The following PCDHA3 variants were observed in gnomAD, a reference collection of about 807,000 sequenced individuals.
The protein encoded by PCDHA3 is protocadherin alpha 3.
PCDHA3 carries 41 observed loss-of-function variants against 62.2 expected under a neutral mutation model. The observed-to-expected ratio is 0.66, with a 90% CI of 0.51 to 0.86. The LOEUF (loss-of-function observed/expected upper bound fraction) is 0.86. PCDHA3 is among the 40% of genes least tolerant of loss of function. The pLI is 0.00. For synonymous variants in PCDHA3, 640 were observed against 555.4 expected (o/e 1.15, Z -2.14); for missense variants, 1,304 against 1,241.2 (o/e 1.05, Z -0.76).
intron 1 of PCDHA3, chr5:140,929,259 G>A (rs782558603): frequency 4.7e-5 from 76 of 1,612,754 alleles, no homozygotes; most frequent in Non-Finnish European, 6.2e-5. Context: ...GGGTAGGACT[G>A]AATTTGCCAA....
chr5:140,984,712 G>A (rs2097116348), intron 3 of PCDHA3, among the ~76,000 whole-genome samples: 1 of 152,096 alleles, frequency 6.6e-6, no homozygotes, highest in Non-Finnish European at 1.5e-5. Context: ...AGGGAATATG[G>A]CATAAAGATT....
chr5:140,882,676 C>T (rs1458440894), intron 1 of PCDHA3: 18 of 1,614,060 alleles, frequency 1.1e-5, no homozygotes, highest in Admixed American at 3.3e-5. Context: ...TCCCTGAAAG[C>T]AAGAAACGAA....
At chr5:140,876,475 A>G (rs1385416022) in intron 1 of PCDHA3, 1 of 1,614,054 alleles carries the variant, frequency 6.2e-7, no homozygotes, top group Non-Finnish European at 8.5e-7. Context: ...AGGTCACAGC[A>G]TGGTCCTGGT....
chr5:140,831,527 T>A (rs2150196038), intron 1 of PCDHA3, among the ~76,000 whole-genome samples: 12 of 148,212 alleles, frequency 8.1e-5, no homozygotes, highest in Non-Finnish European at 1.8e-4. Context: ...CACCTTTTTT[T>A]TTTTTTTTTT....
rs544791644 is a variant in PCDHA3, at chr5:140,937,295, C to G, written c.2395-41654C>G. Among the ~76,000 whole-genome samples the G allele has an allele frequency of 1.0e-3, 157 of 152,202 alleles. 1 individual carries two copies. Among genetic ancestry groups the G allele is most frequent in the Admixed American group, 4.7e-3 (72 of 15,286 alleles). On this transcript the variant is annotated intron_variant, in intron 1 of 3. Transcript: ENST00000522353. ...CTCGTGATTCACCCGCTTCGGCCTC[C>G]CAAAGTGCTGGGATTACAGGCGTGA...
chr5:140,893,528 G>C (rs541953324), intron 1 of PCDHA3, among the ~76,000 whole-genome samples: 2 of 152,254 alleles, frequency 1.3e-5, no homozygotes, highest in Admixed American at 6.5e-5. Context: ...ACTCCTTTAA[G>C]TATTTCTTGT....
At chr5:140,812,838 TTAACA>T (rs1299220004) in intron 1 of PCDHA3, 1 of 152,250 alleles carries the variant, frequency 6.6e-6, no homozygotes, top group Non-Finnish European at 1.5e-5. Flanking sequence ...TTTGTTTATC[TTAACA>T]TATTTTCTAA....
At position 140,857,274 on chromosome 5, in the gene PCDHA3, AC is replaced by A. The variant is rs782434085; in HGVS notation, c.2394+53684del. 196 of 1,598,554 alleles carry A rather than the reference AC, an allele frequency of 1.2e-4. 15 individuals are homozygous for A. The highest frequency in any genetic ancestry group is 3.4e-5 in the Admixed American group (2 of 59,316). On this transcript the variant is annotated intron_variant, in intron 1 of 3. Transcript: ENST00000522353. ...AAGAATTACTACTCATTGGTGCTGG[AC>A]AGCGCTCTGGACCGCGAGAGGGTGT...
At chr5:140,885,328 A>G (rs2060562963) in intron 1 of PCDHA3, among the ~76,000 whole-genome samples, 1 of 152,114 alleles carries the variant, frequency 6.6e-6, no homozygotes, top group Non-Finnish European at 1.5e-5. Context: ...TTCTTTTCCA[A>G]AGTTTGAAGG....
At chr5:140,935,394 G>C (rs959098226) in intron 1 of PCDHA3, among the ~76,000 whole-genome samples, 2 of 152,088 alleles carry the variant, frequency 1.3e-5, no homozygotes, top group East Asian at 3.8e-4. Context: ...GTTATCCCAC[G>C]GGACTCAAAC....
At chr5:140,858,296 C>A in intron 1 of PCDHA3, 2 of 1,597,508 alleles carry the variant, frequency 1.3e-6, no homozygotes, top group Non-Finnish European at 1.7e-6. Flanking sequence ...GTCTTACTCG[C>A]AGCAGAGGCG....
intron 1 of PCDHA3, among the ~76,000 whole-genome samples, chr5:140,962,457 G>T (rs1563323233): frequency 6.6e-6 from 1 of 151,950 alleles, no homozygotes; most frequent in Non-Finnish European, 1.5e-5. Flanking sequence ...AATCTCTTAT[G>T]GCTTGAATCT....
At chr5:140,841,445 G>C (rs1777235481) in intron 1 of PCDHA3, 6 of 1,612,934 alleles carry the variant, frequency 3.7e-6, no homozygotes, top group South Asian at 1.1e-5. Flanking sequence ...GGCCAAACAC[G>C]GCACCTTCGT....
rs2150354431 is a variant in PCDHA3 at position 140,843,174 on chromosome 5, C to T, written c.2394+39583C>T. 1.1e-4 allele frequency: 178 copies of T among 1,595,970 alleles called. 24 individuals carry two copies. Among genetic ancestry groups the T allele is most frequent in the Non-Finnish European group, 1.5e-4 (177 of 1,165,624 alleles). ...GAGCTGCAGCCAGCTGCAAGCAGCC[C>T]TCGCATCCCGTTCCGCGTGGGGCTG... On this transcript the variant is annotated intron_variant, in intron 1 of 3. Transcript: ENST00000522353.
intron 1 of PCDHA3, among the ~76,000 whole-genome samples, chr5:140,940,491 C>A (rs1554213409): frequency 6.6e-6 from 1 of 151,752 alleles, no homozygotes; most frequent in Admixed American, 6.6e-5. Context: ...CAAGACAAGT[C>A]TTGCTCCGTC....
chr5:140,927,702 C>A lies in PCDHA3; in HGVS notation c.2395-51247C>A, dbSNP rs533775539. ...AAGGGTCCAATGGGGAAGTCCAGTACTCCCTAAGCAACAGCACGCAAGCAG... is the reference window on the plus strand; with the variant it reads ...AAGGGTCCAATGGGGAAGTCCAGTAATCCCTAAGCAACAGCACGCAAGCAG... On this transcript the variant is annotated intron_variant, in intron 1 of 3. Coordinates refer to ENST00000522353, the MANE Select transcript of PCDHA3 (RefSeq NM_018906.3). 6.8e-6 allele frequency: 11 copies of A among 1,614,092 alleles called. 1 individual carries two copies. The South Asian group carries it at 1.2e-4, about 18-fold the overall frequency.
At chr5:140,956,719 T>C (rs2095305109) in intron 1 of PCDHA3, among the ~76,000 whole-genome samples, 1 of 152,216 alleles carries the variant, frequency 6.6e-6, no homozygotes, top group Non-Finnish European at 1.5e-5. Context: ...TCAGAAGAAT[T>C]GGTACCAGCT....
intron 1 of PCDHA3, chr5:140,862,777 C>A: frequency 1.7e-6 from 1 of 577,324 alleles, no homozygotes. Context: ...CGCGTTGCAG[C>A]CACTGGACTA....
At chr5:140,932,491 T>C (rs1041440008) in intron 1 of PCDHA3, among the ~76,000 whole-genome samples, 11 of 151,918 alleles carry the variant, frequency 7.2e-5, no homozygotes, top group Non-Finnish European at 1.6e-4. Flanking sequence ...CTCTTTGCAA[T>C]GTCATTTGTT....
Sources: gnomAD v4.1 joint callset for allele counts (sites outside exome capture counted in the v4.1 genomes callset) on GRCh38, gnomAD v4.1.1 for gene constraint, MANE v1.5 for transcripts, NCBI Gene and HGNC (gene_info 2026-07-23, HGNC 2026-07-21) for gene names.